OSBPL10: variants seen among roughly 807,000 people sequenced by gnomAD.
The protein encoded by OSBPL10 is oxysterol binding protein like 10, also known as oxysterol-binding protein-related protein 10.
A neutral mutation model predicts 81.7 loss-of-function variants in OSBPL10; 49 were observed. The observed-to-expected ratio is 0.60, with a 90% CI of 0.48 to 0.76. OSBPL10 has a LOEUF of 0.76. OSBPL10 is among the 30% of genes least tolerant of loss of function. OSBPL10 has a pLI of 0.00. For missense variants in OSBPL10, 923 were observed against 987.8 expected (o/e 0.93, Z 0.88); for synonymous variants, 419 against 383.6 (o/e 1.09, Z -1.08).
intron 4 of OSBPL10, among the ~76,000 whole-genome samples, chr3:31,784,670 C>T (rs1698814591): frequency 6.6e-6 from 1 of 151,746 alleles, no homozygotes; most frequent in Non-Finnish European, 1.5e-5. Flanking sequence ...GCAACCTCCA[C>T]CTCCCGGGTT....
intron 1 of OSBPL10, among the ~76,000 whole-genome samples, chr3:31,950,141 C>T (rs1329290352): frequency 2.0e-5 from 3 of 152,098 alleles, no homozygotes; most frequent in Non-Finnish European, 4.4e-5. Context: ...GAAGTAAGAA[C>T]TTGTTTTTCA....
intron 1 of OSBPL10, among the ~76,000 whole-genome samples, chr3:31,909,253 G>GC (rs1696505304): frequency 6.6e-6 from 1 of 152,084 alleles, no homozygotes; most frequent in African/African-American, 2.4e-5. Context: ...AACTGTTAAG[G>GC]CCATCGGTAA....
intron 6 of OSBPL10, among the ~76,000 whole-genome samples, chr3:31,713,109 C>A (rs1162544882): frequency 6.6e-6 from 1 of 152,188 alleles, no homozygotes; most frequent in Non-Finnish European, 1.5e-5. Flanking sequence ...TCATAAAGTT[C>A]ATCACATAAC....
chr3:31,671,204 A>G (rs955764709), intron 8 of OSBPL10, among the ~76,000 whole-genome samples: 4 of 152,228 alleles, frequency 2.6e-5, no homozygotes, highest in Non-Finnish European at 1.5e-5. Flanking sequence ...CTCAGAAAGC[A>G]GAAGAGAAAG....
At chr3:32,029,056 T>C (rs1465254775) in intron 2 of OSBPL10, among the ~76,000 whole-genome samples, 3 of 150,936 alleles carry the variant, frequency 2.0e-5, no homozygotes, top group East Asian at 2.0e-4. Context: ...CGGTAATAAT[T>C]GGTCACAGCC....
chr3:31,965,767 TAATA>T (rs1346233222), intron 1 of OSBPL10, among the ~76,000 whole-genome samples: 1 of 76,016 alleles, frequency 1.3e-5, no homozygotes, highest in Non-Finnish European at 2.2e-5. Context: ...TATTAAAAGA[TAATA>T]TATATTATAT....
intron 4 of OSBPL10, among the ~76,000 whole-genome samples, chr3:31,817,830 C>T (rs1172710115): frequency 6.6e-6 from 1 of 152,228 alleles, no homozygotes; most frequent in African/African-American, 2.4e-5. Flanking sequence ...CTGCTGCAGC[C>T]ACTGCCATCA....
At chr3:31,860,847 GTTTTTTGGGGTTTT>G (rs957069321) in intron 3 of OSBPL10, among the ~76,000 whole-genome samples, 2 of 140,138 alleles carry the variant, frequency 1.4e-5, no homozygotes, top group Admixed American at 6.8e-5. Flanking sequence ...TTTTTGTGGG[GTTTTTTGGGGTTTT>G]TTTTTTTGGG....
intron 1 of OSBPL10, among the ~76,000 whole-genome samples, chr3:31,952,573 G>A (rs1382724140): frequency 6.6e-6 from 1 of 152,166 alleles, no homozygotes; most frequent in Non-Finnish European, 1.5e-5. Context: ...GGAGCAATGA[G>A]AAGGAATCAA....
Position 31,855,929 on chromosome 3 carries a change from AG to A in OSBPL10, c.537+20503del, listed in dbSNP as rs1022023011. On this transcript the variant is annotated intron_variant, in intron 3 of 11. Transcript: ENST00000396556. ...AAAAAAACAGCAACTCAAGTATTGT[AG>A]AAAAAAGCCCTATTTAAGTACAGAT... Among the ~76,000 whole-genome samples, 30 of 152,194 alleles carry A rather than the reference AG, an allele frequency of 2.0e-4. 1 individual carries two copies. The highest frequency in any genetic ancestry group is 6.3e-3 in the Middle Eastern group (2 of 316).
At chr3:31,744,951 G>A (rs1259834641) in intron 5 of OSBPL10, among the ~76,000 whole-genome samples, 1 of 152,130 alleles carries the variant, frequency 6.6e-6, no homozygotes, top group East Asian at 1.9e-4. Flanking sequence ...TAGGGCAAAA[G>A]AGACCACAGA....
intron 3 of OSBPL10, among the ~76,000 whole-genome samples, chr3:31,834,118 C>T (rs1056805642): frequency 6.6e-6 from 1 of 152,150 alleles, no homozygotes; most frequent in African/African-American, 2.4e-5. Context: ...AAATTGCAAG[C>T]ACTATAAATG....
chr3:32,035,867 G>A (rs1353268109), intron 2 of OSBPL10, among the ~76,000 whole-genome samples: 1 of 151,994 alleles, frequency 6.6e-6, no homozygotes, highest in Non-Finnish European at 1.5e-5. Flanking sequence ...ACATTCACAT[G>A]GTGCAACCAT....
intron 2 of OSBPL10, among the ~76,000 whole-genome samples, chr3:32,000,231 C>T (rs1699132375): frequency 6.6e-6 from 1 of 152,190 alleles, no homozygotes; most frequent in African/African-American, 2.4e-5. Flanking sequence ...GTAGCATGGT[C>T]ATGCTGACGT....
intron 4 of OSBPL10, among the ~76,000 whole-genome samples, chr3:31,817,743 G>A (rs762360069): frequency 2.0e-5 from 3 of 152,176 alleles, no homozygotes; most frequent in Non-Finnish European, 2.9e-5. Context: ...AGCAGCACCC[G>A]GGGAGCTCCT....
At chr3:31,887,853 A>T (rs532746941) in intron 1 of OSBPL10, among the ~76,000 whole-genome samples, 26 of 152,226 alleles carry the variant, frequency 1.7e-4, no homozygotes, top group African/African-American at 6.3e-4. Context: ...ATGACTAGAG[A>T]AATGCAGTGG....
intron 8 of OSBPL10, among the ~76,000 whole-genome samples, chr3:31,675,901 G>GCCC (rs1700459060): frequency 1.4e-5 from 2 of 146,124 alleles, no homozygotes; most frequent in African/African-American, 5.2e-5. Flanking sequence ...AGCCGAGATT[G>GCCC]CGCCACTGCA....
At chr3:31,946,017 G>A (rs1481004824) in intron 1 of OSBPL10, among the ~76,000 whole-genome samples, 2 of 151,066 alleles carry the variant, frequency 1.3e-5, no homozygotes, top group Non-Finnish European at 2.9e-5. Context: ...TTTCACTCTT[G>A]TTGCCCAGGC....
intron 4 of OSBPL10, among the ~76,000 whole-genome samples, chr3:31,814,653 T>C (rs757715287): frequency 6.6e-6 from 1 of 152,198 alleles, no homozygotes; most frequent in African/African-American, 2.4e-5. Context: ...TCAAGGTTTC[T>C]GGAAGGAACC....
Sources: allele counts gnomAD v4.1 joint callset (sites outside exome capture counted in the v4.1 genomes callset), GRCh38; gene constraint gnomAD v4.1.1; transcripts MANE v1.5; gene names NCBI Gene and HGNC (gene_info 2026-07-23, HGNC 2026-07-21).